MYOCD: variants seen among roughly 807,000 people sequenced by gnomAD.
The protein encoded by MYOCD is myocardin.
MYOCD carries 32 observed loss-of-function variants against 96.1 expected under a neutral mutation model. The ratio of observed to expected loss-of-function variants is 0.33; its 90% confidence interval spans 0.25 to 0.45. The LOEUF (loss-of-function observed/expected upper bound fraction) is 0.45. MYOCD is among the 20% of genes least tolerant of loss of function. MYOCD has a pLI of 1.00. For synonymous variants in MYOCD, 469 were observed against 469.0 expected (o/e 1.00, Z 0.00); for missense variants, 1,133 against 1,200.6 (o/e 0.94, Z 0.83).
chr17:12,756,590 T>TTCACTTTGCCTCTTC, intron 11 of MYOCD, 33 bp downstream of exon 11: 1 of 1,537,768 alleles, frequency 6.5e-7, no homozygotes, highest in South Asian at 1.2e-5. Context: ...CAACCTGGGA[T>TTCACTTTGCCTCTTC]TCACTTTGCC....
At chr17:12,674,314 T>A (rs1449793384) in intron 1 of MYOCD, among the ~76,000 whole-genome samples, 1 of 152,236 alleles carries the variant, frequency 6.6e-6, no homozygotes, top group Non-Finnish European at 1.5e-5. Context: ...CTTTCTGGGC[T>A]ACAACTCCAG....
intron 11 of MYOCD, among the ~76,000 whole-genome samples, chr17:12,757,644 A>G (rs2003519): frequency 0.37 from 55,824 of 151,886 alleles, 11,013 homozygotes; most frequent in Middle Eastern, 0.49. Context: ...TTACAGGCGC[A>G]CCACCATGCC....
chr17:12,671,465 T>A lies in MYOCD; in HGVS notation c.55+5222T>A, dbSNP rs75494663. On this transcript the variant is annotated intron_variant, in intron 1 of 13. Transcript: ENST00000425538. The stretch of plus-strand genomic sequence containing the variant: ...CGAAAGGTAAGAAGCAGGTTATCCC[T>A]ATTGTTCTTAGGTTAGGCAGTAGTT... 3.4e-3 allele frequency among the ~76,000 whole-genome samples: 512 copies of A among 152,286 alleles called. 4 individuals carry two copies. The highest frequency in any genetic ancestry group is 0.011 in the African/African-American group (473 of 41,556).
intron 3 of MYOCD, among the ~76,000 whole-genome samples, chr17:12,716,985 CAAAAAAAAAAAAAAAAAA>C (rs56992216): frequency 3.5e-5 from 4 of 112,948 alleles, no homozygotes; most frequent in South Asian, 3.0e-4. Context: ...GATGCTGTCT[CAAAAAAAAAAAAAAAAAA>C]AAAAAAAAAA....
At chr17:12,736,042 A>C in intron 5 of MYOCD, 119 bp from the exon 6 acceptor site, 1 of 883,708 alleles carries the variant, frequency 1.1e-6, no homozygotes. Context: ...ACCTAAACTT[A>C]AAACAAACTG....
chr17:12,763,022 G>A, intron 13 of MYOCD, 51 bp from the exon 14 acceptor site: 1 of 1,464,620 alleles, frequency 6.8e-7, no homozygotes, highest in Non-Finnish European at 9.3e-7. Flanking sequence ...ATATTGTGTG[G>A]CATGCTCAAT....
rs562798809 is a variant in MYOCD, at chr17:12,724,729, T to C, written c.415+1721T>C. The stretch of plus-strand genomic sequence containing the variant: ...AGTATGTCTGAAACTATTTAAGTGG[T>C]TGGTTTAAGAGAGAGGTCTAATTTT... On this transcript the variant is annotated intron_variant, in intron 5 of 13. Transcript: ENST00000425538. Among the ~76,000 whole-genome samples the C allele has an allele frequency of 6.6e-5, 10 of 152,192 alleles. No individual in the cohort carries two copies. In the East Asian group the frequency reaches 1.9e-3, roughly 29 times the overall value.
intron 5 of MYOCD, among the ~76,000 whole-genome samples, chr17:12,733,231 A>G (rs543172237): frequency 6.6e-4 from 98 of 148,466 alleles, no homozygotes; most frequent in African/African-American, 2.4e-3. Flanking sequence ...AATTACTTGA[A>G]CCCGGGAGGT....
At chr17:12,708,752 A>G (rs911383587) in intron 2 of MYOCD, among the ~76,000 whole-genome samples, 2 of 152,138 alleles carry the variant, frequency 1.3e-5, no homozygotes, top group African/African-American at 4.8e-5. Context: ...TGAGTTTTAC[A>G]TTAGGTTAAA....
At chr17:12,674,633 GCATACA>G (rs1223245848) in intron 1 of MYOCD, among the ~76,000 whole-genome samples, 1 of 152,156 alleles carries the variant, frequency 6.6e-6, no homozygotes, top group Non-Finnish European at 1.5e-5. Context: ...ATATGTGCAT[GCATACA>G]CATATATACA....
chr17:12,684,845 CAAAA>C (rs1190970523), intron 1 of MYOCD, among the ~76,000 whole-genome samples: 1 of 66,304 alleles, frequency 1.5e-5, no homozygotes. Flanking sequence ...GAATTCGTCT[CAAAA>C]AAAAAAAAAA....
chr17:12,692,164 A>G lies in MYOCD; in HGVS notation c.56-12964A>G, dbSNP rs560847145. ...CTCCTGTGCCTTCAGTTTTCCCTTC[A>G]TGTAAATGGCATAACCTCTTCTAAG... On this transcript the variant is annotated intron_variant, in intron 1 of 13. Coordinates refer to ENST00000425538, the MANE Select transcript of MYOCD (RefSeq NM_001146312.3). Among the ~76,000 whole-genome samples, 3 of 152,298 alleles carry G rather than the reference A, an allele frequency of 2.0e-5. No homozygotes were observed. The East Asian group carries it at 5.8e-4, about 29-fold the overall frequency.
chr17:12,693,741 G>A (rs1381173445), intron 1 of MYOCD, among the ~76,000 whole-genome samples: 1 of 151,656 alleles, frequency 6.6e-6, no homozygotes, highest in Non-Finnish European at 1.5e-5. Flanking sequence ...AAAATAAATG[G>A]TGTAGCACTG....
chr17:12,681,113 A>G (rs1163628487), intron 1 of MYOCD, among the ~76,000 whole-genome samples: 2 of 152,184 alleles, frequency 1.3e-5, no homozygotes, highest in African/African-American at 4.8e-5. Context: ...ACTTGATCTC[A>G]TGCACCTTTG....
In MYOCD at chr17:12,736,236, C is replaced by T. The variant is rs200895228; in HGVS notation, c.491C>T (p.Pro164Leu). The change falls in exon 6 of 14, where the codon CCG (proline) becomes CTG (leucine). Residue 164 changes from proline to leucine, a missense_variant. Transcript: ENST00000425538. ...GACAGCAGCAGCGATGGGCTTTCTCCGGATCAGACTCGAAGTGAAGACCCC... is the reference window on the plus strand; with the variant it reads ...GACAGCAGCAGCGATGGGCTTTCTCTGGATCAGACTCGAAGTGAAGACCCC... ...EEDSSSDGLS[P>L]DQTRSEDPQN... 107 of 1,614,040 alleles carry T rather than the reference C, an allele frequency of 6.6e-5. No homozygotes were observed. Among genetic ancestry groups the T allele is most frequent in the Admixed American group, 8.3e-5 (5 of 60,002 alleles).
At chr17:12,741,399 T>C (rs1400304395) in intron 7 of MYOCD, among the ~76,000 whole-genome samples, 1 of 152,224 alleles carries the variant, frequency 6.6e-6, no homozygotes, top group Non-Finnish European at 1.5e-5. Context: ...TATCACAGTA[T>C]TTAAATTTTG....
rs201202686 is a variant in MYOCD, at chr17:12,717,356, C to T, written c.188C>T (p.Ser63Phe). Residue 63 changes from serine to phenylalanine, a missense_variant, in exon 4 of 14, where the codon TCC (serine) becomes TTC (phenylalanine). Ser to Phe is a radical substitution (Grantham distance 155). Coordinates refer to ENST00000425538, the MANE Select transcript of MYOCD (RefSeq NM_001146312.3). ...KHLDSDKAKN[S>F]LKRKARNRCN... is the part of the protein sequence containing the mutation. ...GTTTGGGTTCTACAGGCTAAAAATT[C>T]CCTGAAGCGCAAAGCCAGAAACAGG... The T allele has an allele frequency of 6.2e-7, 1 of 1,613,804 alleles. No homozygotes were observed. Among genetic ancestry groups the T allele is most frequent in the Non-Finnish European group, 8.5e-7 (1 of 1,179,842 alleles).
At chr17:12,677,079 G>A (rs1323278783) in intron 1 of MYOCD, among the ~76,000 whole-genome samples, 3 of 152,146 alleles carry the variant, frequency 2.0e-5, no homozygotes, top group African/African-American at 7.2e-5. Context: ...CCATAAAAAA[G>A]AACGAGATCA....
intron 1 of MYOCD, among the ~76,000 whole-genome samples, chr17:12,701,768 T>A (rs890424990): frequency 7.2e-5 from 11 of 152,312 alleles, no homozygotes; most frequent in African/African-American, 2.6e-4. Context: ...ATGTTGTATA[T>A]TTTTTATTAT....
Sources: gnomAD v4.1 joint callset for allele counts (sites outside exome capture counted in the v4.1 genomes callset) on GRCh38, gnomAD v4.1.1 for gene constraint, MANE v1.5 for transcripts, NCBI Gene and HGNC (gene_info 2026-07-23, HGNC 2026-07-21) for gene names.